The following SH3GL3 variants were observed in gnomAD, a reference collection of about 807,000 sequenced individuals.
SH3GL3 encodes endophilin-A3.
A neutral mutation model predicts 47.7 loss-of-function variants in SH3GL3; 33 were observed. The ratio of observed to expected loss-of-function variants is 0.69; its 90% CI spans 0.52 to 0.92. The LOEUF is 0.92. Ranked by LOEUF, SH3GL3 falls within the 40% of genes least tolerant of loss-of-function variation. The pLI, the probability that SH3GL3 is intolerant of heterozygous loss-of-function variation, is 0.00. For synonymous variants in SH3GL3, 155 were observed against 148.8 expected (o/e 1.04, Z -0.30); for missense variants, 363 against 417.8 (o/e 0.87, Z 1.14).
intron 7 of SH3GL3, 131 bp downstream of exon 7, chr15:83,587,217 G>A: frequency 1.7e-6 from 1 of 571,920 alleles, no homozygotes; most frequent in Non-Finnish European, 3.1e-6. Context: ...TTCTTTCACT[G>A]GCTTTCATGG....
chr15:83,597,956 G>A (rs2060276515), intron 8 of SH3GL3, among the ~76,000 whole-genome samples: 1 of 152,164 alleles, frequency 6.6e-6, no homozygotes, highest in African/African-American at 2.4e-5. Context: ...ATCTCCTTGA[G>A]TGTTTGTTGG....
At chr15:83,589,144 A>G (rs1258987072) in intron 8 of SH3GL3, among the ~76,000 whole-genome samples, 1 of 152,202 alleles carries the variant, frequency 6.6e-6, no homozygotes, top group Non-Finnish European at 1.5e-5. Context: ...TAAACAAGTG[A>G]TGCAAATGTG....
intron 6 of SH3GL3, among the ~76,000 whole-genome samples, chr15:83,580,993 G>A (rs971402532): frequency 4.6e-5 from 7 of 152,196 alleles, no homozygotes; most frequent in Non-Finnish European, 1.0e-4. Context: ...GGTGTGCTTG[G>A]TGCTCTTGTG....
At chr15:83,493,751 A>G (rs1234906547) in intron 1 of SH3GL3, among the ~76,000 whole-genome samples, 1 of 142,654 alleles carries the variant, frequency 7.0e-6, no homozygotes, top group Admixed American at 6.9e-5. Flanking sequence ...TCGACTGTTA[A>G]GTACCAGAAC....
At chr15:83,558,290 G>GT (rs1362689205) in intron 1 of SH3GL3, among the ~76,000 whole-genome samples, 1 of 152,088 alleles carries the variant, frequency 6.6e-6, no homozygotes, top group Non-Finnish European at 1.5e-5. Flanking sequence ...TCTCTCACTC[G>GT]TACTCTTTAG....
chr15:83,581,599 C>T (rs1282535773), intron 6 of SH3GL3, among the ~76,000 whole-genome samples: 1 of 152,180 alleles, frequency 6.6e-6, no homozygotes, highest in Non-Finnish European at 1.5e-5. Flanking sequence ...TACTGCCTTT[C>T]CTTGCAGTGT....
chr15:83,495,181 T>C (rs1007871853), intron 1 of SH3GL3, among the ~76,000 whole-genome samples: 4 of 152,170 alleles, frequency 2.6e-5, no homozygotes, highest in Non-Finnish European at 5.9e-5. Context: ...CTTTTCCTGG[T>C]GCTATTTCCC....
At chr15:83,543,008 T>C (rs2044237174) in intron 1 of SH3GL3, among the ~76,000 whole-genome samples, 2 of 152,084 alleles carry the variant, frequency 1.3e-5, no homozygotes, top group South Asian at 4.1e-4. Context: ...ATTACTCCAG[T>C]ACTATGTTGA....
In SH3GL3 at chr15:83,482,274, T is replaced by G. The variant is rs144719017; in HGVS notation, c.45+34696T>G. 2.6e-5 allele frequency among the ~76,000 whole-genome samples: 4 copies of G among 152,340 alleles called. No individual in the cohort carries two copies. In the East Asian group the frequency reaches 7.7e-4, roughly 29 times the overall value. Reference sequence around the variant, plus strand: ...TTGTAATGGTTTATTTAGCTGATCCTTTGTGGTTGTTGCAAGCTTTTTTGT... The same window carrying G: ...TTGTAATGGTTTATTTAGCTGATCCGTTGTGGTTGTTGCAAGCTTTTTTGT... On this transcript the variant is annotated intron_variant, in intron 1 of 8. Transcript: ENST00000427482.
intron 1 of SH3GL3, among the ~76,000 whole-genome samples, chr15:83,487,551 CT>C (rs996897750): frequency 6.6e-6 from 1 of 151,844 alleles, no homozygotes; most frequent in Non-Finnish European, 1.5e-5. Flanking sequence ...TGTTTTTGCT[CT>C]TTTTTTTGAG....
At chr15:83,487,928 T>A (rs2041687456) in intron 1 of SH3GL3, 1 of 150,476 alleles carries the variant, frequency 6.6e-6, no homozygotes, top group African/African-American at 2.4e-5. Flanking sequence ...CTGGCTGGAG[T>A]GCAGTGGCGC....
At chr15:83,618,054 A>G (rs768669703) in intron 8 of SH3GL3, 28 bp from the exon 9 acceptor site, 34 of 1,416,464 alleles carry the variant, frequency 2.4e-5, no homozygotes, top group Middle Eastern at 1.8e-4. Context: ...GTTCATCTGT[A>G]CTTTTTGTCT....
the SH3GL3 span, among the ~76,000 whole-genome samples, chr15:83,632,864 A>T: frequency 6.6e-6 from 1 of 152,232 alleles, no homozygotes; most frequent in East Asian, 1.9e-4. Context: ...GAATTCTCAT[A>T]ATAAGCAATT....
intron 1 of SH3GL3, among the ~76,000 whole-genome samples, chr15:83,476,189 CT>C (rs1252394890): frequency 6.6e-6 from 1 of 152,066 alleles, no homozygotes; most frequent in Non-Finnish European, 1.5e-5. Context: ...GGAATTGAGG[CT>C]TGGCAAGGTC....
Position 83,447,721 on chromosome 15 carries a change from G to T in SH3GL3, c.45+143G>T. On this transcript the variant is annotated intron_variant, in intron 1 of 8. Coordinates refer to ENST00000427482, the MANE Select transcript of SH3GL3 (RefSeq NM_003027.5). The surrounding 1 kb of genome is among the most constrained non-coding windows in gnomAD (Gnocchi z 5.1). ...TCCCGCCTAGGAGGGCGCGAGGGTG[G>T]GGTGAGGGGCCGCCTGCTCTCTCCT... is the stretch of plus-strand genomic sequence containing the variant. 1 of 535,876 alleles carries T rather than the reference G, an allele frequency of 1.9e-6. No individual in the cohort carries two copies. Among genetic ancestry groups the T allele is most frequent in the Non-Finnish European group, 3.1e-6 (1 of 319,200 alleles). 33.2% of individuals were successfully genotyped at this position (535,876 alleles called of 1,614,324 possible). A position where few individuals can be genotyped will look rare whatever the true frequency, so the allele number is the denominator to read the frequency against.
chr15:83,499,959 C>G (rs964477434), intron 1 of SH3GL3, among the ~76,000 whole-genome samples: 1 of 152,148 alleles, frequency 6.6e-6, no homozygotes, highest in African/African-American at 2.4e-5. Context: ...GGAAAAGGTA[C>G]CAGTCTGCTG....
intron 1 of SH3GL3, among the ~76,000 whole-genome samples, chr15:83,464,784 C>T (rs1333977495): frequency 6.6e-6 from 1 of 152,016 alleles, no homozygotes; most frequent in Admixed American, 6.6e-5. Flanking sequence ...CATTTCTTGC[C>T]CCCATGATTG....
At chr15:83,538,611 A>T (rs1421922339) in intron 1 of SH3GL3, among the ~76,000 whole-genome samples, 1 of 152,156 alleles carries the variant, frequency 6.6e-6, no homozygotes, top group Non-Finnish European at 1.5e-5. Context: ...CTCTTTTTTG[A>T]ACTTTATGTA....
At chr15:83,481,222 C>T (rs1302109182) in intron 1 of SH3GL3, among the ~76,000 whole-genome samples, 1 of 150,282 alleles carries the variant, frequency 6.7e-6, no homozygotes, top group Non-Finnish European at 1.5e-5. Context: ...TTTCTGTGAG[C>T]CGAGATCCTG....
Sources: gnomAD v4.1 joint callset for allele counts (sites outside exome capture counted in the v4.1 genomes callset) on GRCh38, gnomAD v4.1.1 for gene constraint, Gnocchi (gnomAD v3.1) non-coding constraint, MANE v1.5 for transcripts, NCBI Gene and HGNC (gene_info 2026-07-23, HGNC 2026-07-21) for gene names.